ICA1L: variants seen among roughly 807,000 people sequenced by gnomAD.
The protein encoded by ICA1L is islet cell autoantigen 1-like protein.
Under a neutral mutation model 61.3 loss-of-function variants are expected in ICA1L, and 50 were observed. The observed-to-expected ratio is 0.82, with a 90% CI of 0.65 to 1.03. The LOEUF is 1.03. Ranked by LOEUF, ICA1L falls within the 50% of genes least tolerant of loss-of-function variation. The probability of loss-of-function intolerance (pLI) is 0.00; values close to 1 mark genes in which losing one functional copy is unlikely to be tolerated. For missense variants in ICA1L, 508 were observed against 556.7 expected (o/e 0.91, Z 0.88); for synonymous variants, 161 against 191.3 (o/e 0.84, Z 1.31).
intron 1 of ICA1L, among the ~76,000 whole-genome samples, chr2:202,848,830 C>T (rs547306115): frequency 6.6e-6 from 1 of 152,042 alleles, no homozygotes; most frequent in African/African-American, 2.4e-5. Context: ...AAAATTATAA[C>T]GGAGCAGAGA....
intron 1 of ICA1L, among the ~76,000 whole-genome samples, chr2:202,837,138 G>A (rs1323304342): frequency 6.6e-6 from 1 of 151,818 alleles, no homozygotes; most frequent in Non-Finnish European, 1.5e-5. Flanking sequence ...CACTGCACCC[G>A]GCCTGTGTAT....
At chr2:202,834,896 T>C (rs917798821) in intron 1 of ICA1L, among the ~76,000 whole-genome samples, 13 of 152,058 alleles carry the variant, frequency 8.5e-5, no homozygotes, top group African/African-American at 3.1e-4. Flanking sequence ...AGTGGCACAA[T>C]CATAGCTCAC....
intron 1 of ICA1L, among the ~76,000 whole-genome samples, chr2:202,857,611 C>T (rs1673752746): frequency 6.6e-6 from 1 of 152,002 alleles, no homozygotes; most frequent in African/African-American, 2.4e-5. Context: ...CAACAGAAGC[C>T]AAAATTGACA....
At chr2:202,829,754 C>G (rs1322978307) in intron 1 of ICA1L, among the ~76,000 whole-genome samples, 1 of 152,052 alleles carries the variant, frequency 6.6e-6, no homozygotes, top group Non-Finnish European at 1.5e-5. Flanking sequence ...ATAAAACTTA[C>G]GATTTTGCAG....
chr2:202,860,647 G>A (rs1364839063), intron 1 of ICA1L, among the ~76,000 whole-genome samples: 1 of 152,030 alleles, frequency 6.6e-6, no homozygotes, highest in Non-Finnish European at 1.5e-5. Flanking sequence ...AGCTACTTGG[G>A]AGGCTGAGGC....
chr2:202,779,483 C>A lies in ICA1L; in HGVS notation c.*50G>T, dbSNP rs372120476. On this transcript the variant is annotated 3_prime_UTR_variant, in exon 13 of 13. Coordinates refer to ENST00000358299, the MANE Select transcript of ICA1L (RefSeq NM_001288622.3). ...CTAAATCCTTTCCACGAAGGAAATA[C>A]GTTGCAAAATTGATGTCTCAAGGCC... 1.7e-5 allele frequency: 19 copies of A among 1,095,314 alleles called. 1 individual carries two copies. The African/African-American group carries it at 2.8e-4, about 16-fold the overall frequency. The allele number at this position is 1,095,314 out of a possible 1,614,324, so 67.8% of individuals were successfully genotyped here. A position where few individuals can be genotyped will look rare whatever the true frequency, so the allele number is the denominator to read the frequency against.
At position 202,774,406 on chromosome 2, in the gene ICA1L, C is replaced by G. The variant is rs1692153567; in HGVS notation, c.*5127G>C. On this transcript the variant is annotated 3_prime_UTR_variant, in exon 13 of 13. Transcript: ENST00000358299. ...CCAGGCCTCACTGCGCCTCCAACAGCCAGGGTCGAGCCCCTGGCTCCCCGT... is the reference window on the plus strand; with the variant it reads ...CCAGGCCTCACTGCGCCTCCAACAGGCAGGGTCGAGCCCCTGGCTCCCCGT... The G allele has an allele frequency of 9.7e-7, 1 of 1,027,952 alleles. No individual in the cohort carries two copies. Among genetic ancestry groups the G allele is most frequent in the South Asian group, 2.2e-5 (1 of 46,488 alleles). The allele number at this position is 1,027,952 out of a possible 1,614,324, so 63.7% of individuals were successfully genotyped here.
intron 10 of ICA1L, among the ~76,000 whole-genome samples, chr2:202,793,052 A>G (rs943876327): frequency 6.6e-6 from 1 of 152,184 alleles, no homozygotes. Flanking sequence ...AAACATTCTA[A>G]TATCCAACTG....
intron 2 of ICA1L, 119 bp downstream of exon 2, chr2:202,828,729 T>C: frequency 1.2e-6 from 1 of 806,012 alleles, no homozygotes; most frequent in South Asian, 1.7e-5. Flanking sequence ...AACTAAACAT[T>C]CTATTATCAA....
At position 202,827,136 on chromosome 2, in the gene ICA1L, G is replaced by A. The variant is rs138471709; in HGVS notation, c.163-1369C>T. ...AGGCTGGGCGCGGTGGCTCATGCCT[G>A]TAATTCCAGCACTTTGGGAGGCTGA... On this transcript the variant is annotated intron_variant, in intron 2 of 12. Coordinates refer to ENST00000358299, the MANE Select transcript of ICA1L (RefSeq NM_001288622.3). 2.8e-3 allele frequency among the ~76,000 whole-genome samples: 422 copies of A among 152,324 alleles called. 5 individuals are homozygous for A. The highest frequency in any genetic ancestry group is 0.019 in the East Asian group (96 of 5,182).
At chr2:202,784,306 G>A (rs114779776) in intron 12 of ICA1L, among the ~76,000 whole-genome samples, 5,823 of 152,182 alleles carry the variant, frequency 0.038, 362 homozygotes, top group African/African-American at 0.13. Context: ...TTGGCCAGGC[G>A]TGGTGGTACA....
chr2:202,839,591 TG>T, intron 1 of ICA1L, among the ~76,000 whole-genome samples: 2 of 147,540 alleles, frequency 1.4e-5, no homozygotes, highest in African/African-American at 2.5e-5. Flanking sequence ...TGTGTGTGTG[TG>T]TGTGTGTGTG....
At chr2:202,820,063 C>G (rs777562915) in intron 4 of ICA1L, 164 bp from the exon 5 acceptor site, 133 of 613,940 alleles carry the variant, frequency 2.2e-4, no homozygotes, top group Admixed American at 5.6e-4. Context: ...ATCATATAGC[C>G]AACTCTGAAT....
chr2:202,803,260 G>T (rs1693134370), intron 9 of ICA1L, among the ~76,000 whole-genome samples: 1 of 151,884 alleles, frequency 6.6e-6, no homozygotes. Context: ...AATTAGCTGG[G>T]TGTGGTGGTG....
intron 9 of ICA1L, among the ~76,000 whole-genome samples, chr2:202,810,461 A>G (rs2105842301): frequency 6.6e-6 from 1 of 152,344 alleles, no homozygotes. Flanking sequence ...GTGATTTCCT[A>G]TGCCTGTCTA....
chr2:202,863,183 T>C (rs920176222), intron 1 of ICA1L, among the ~76,000 whole-genome samples: 3 of 151,886 alleles, frequency 2.0e-5, no homozygotes. Context: ...TCCCAGCTAC[T>C]TGGGAGGCTG....
intron 1 of ICA1L, chr2:202,840,866 A>G (rs2105871825): frequency 7.7e-6 from 5 of 646,190 alleles, no homozygotes; most frequent in Non-Finnish European, 1.5e-5. Context: ...CCCAGATCTC[A>G]GTCTTTGCAT....
At chr2:202,837,611 T>G (rs1281326416) in intron 1 of ICA1L, among the ~76,000 whole-genome samples, 1 of 152,150 alleles carries the variant, frequency 6.6e-6, no homozygotes, top group East Asian at 1.9e-4. Context: ...TCTTTTCTAC[T>G]GTTTTTCTAG....
At chr2:202,869,397 T>G (rs1687627432) in intron 1 of ICA1L, 1 of 151,968 alleles carries the variant, frequency 6.6e-6, no homozygotes, top group South Asian at 2.1e-4. Context: ...AAAATAACAC[T>G]GAGTGAAAAA....
Sources: gnomAD v4.1 joint callset for allele counts (sites outside exome capture counted in the v4.1 genomes callset) on GRCh38, gnomAD v4.1.1 for gene constraint, MANE v1.5 for transcripts, NCBI Gene and HGNC (gene_info 2026-07-23, HGNC 2026-07-21) for gene names.